Variants in ABCA1 observed in about 807,000 individuals in gnomAD.
ABCA1 encodes the protein ATP binding cassette subfamily A member 1, also known as phospholipid-transporting ATPase ABCA1.
A neutral mutation model predicts 262.5 loss-of-function variants in ABCA1; 133 were observed. The ratio of observed to expected loss-of-function variants is 0.51; its 90% CI spans 0.44 to 0.59. ABCA1 has a LOEUF of 0.59. Among genes scored for constraint, ABCA1 ranks in the 20% least tolerant of loss-of-function variants. The pLI, the probability that ABCA1 is intolerant of heterozygous loss-of-function variation, is 0.00. For synonymous variants in ABCA1, 1,022 were observed against 1,043.5 expected, an observed-to-expected ratio of 0.98 and a Z score of 0.40; for missense variants, 2,452 against 2,777.5, an observed-to-expected ratio of 0.88 and a Z score of 2.63.
In ABCA1 at chr9:104,788,414, T is replaced by G. The variant is rs775848576; in HGVS notation, c.6069+12A>C. The G allele has an allele frequency of 6.2e-7, 1 of 1,614,070 alleles. No individual in the cohort carries two copies. On this transcript the variant is annotated intron_variant, in intron 45 of 49. Coordinates refer to ENST00000374736, the MANE Select transcript of ABCA1 (RefSeq NM_005502.4). ...CAAAGGAGACAGGCTGGCTTTCAGGTGCCCACAGTACCTTGCCAACTTCTT... is the reference window on the plus strand; with the variant it reads ...CAAAGGAGACAGGCTGGCTTTCAGGGGCCCACAGTACCTTGCCAACTTCTT...
At chr9:104,900,048 T>TC (rs960865212) in intron 2 of ABCA1, among the ~76,000 whole-genome samples, 1 of 152,002 alleles carries the variant, frequency 6.6e-6, no homozygotes, top group Non-Finnish European at 1.5e-5. Flanking sequence ...TGGCTGATGG[T>TC]CCCCCCTCAG....
intron 1 of ABCA1, among the ~76,000 whole-genome samples, chr9:104,905,609 T>C (rs1300050934): frequency 2.0e-5 from 3 of 152,238 alleles, no homozygotes; most frequent in Admixed American, 1.3e-4. Flanking sequence ...CATCAGTTTG[T>C]TCAAAGATGA....
intron 44 of ABCA1, among the ~76,000 whole-genome samples, chr9:104,790,322 G>T (rs1268576427): frequency 6.6e-6 from 1 of 152,058 alleles, no homozygotes; most frequent in Non-Finnish European, 1.5e-5. Context: ...GATGTATACA[G>T]GGACATATTT....
chr9:104,825,678 T>C lies in ABCA1; in HGVS notation c.2542+5A>G, dbSNP rs755221250. Reference sequence around the variant, plus strand: ...TTTTCCAAACAGATGCCCAAAGCAGTGTACCTGGAAAGACAGCCTCAATGT... The same window carrying C: ...TTTTCCAAACAGATGCCCAAAGCAGCGTACCTGGAAAGACAGCCTCAATGT... On this transcript the variant is annotated splice_donor_5th_base_variant and intron_variant, in intron 17 of 49. Coordinates refer to ENST00000374736, the MANE Select transcript of ABCA1 (RefSeq NM_005502.4). 1.2e-6 allele frequency: 2 copies of C among 1,614,020 alleles called. No homozygotes were observed. The highest frequency in any genetic ancestry group is 1.7e-6 in the Non-Finnish European group (2 of 1,179,858).
chr9:104,789,892 G>A (rs907353588), intron 44 of ABCA1, among the ~76,000 whole-genome samples: 5 of 152,090 alleles, frequency 3.3e-5, no homozygotes, highest in South Asian at 2.1e-4. Context: ...TCAGGAGCTC[G>A]AGACCAGTCT....
chr9:104,917,264 T>C (rs1280091937), intron 1 of ABCA1, among the ~76,000 whole-genome samples: 2 of 152,188 alleles, frequency 1.3e-5, no homozygotes, highest in Non-Finnish European at 2.9e-5. Context: ...GTGCATCATC[T>C]GAAATATGGG....
chr9:104,782,172 TGAG>T lies in ABCA1; in HGVS notation c.*2140_*2142del, dbSNP rs779432273. The stretch of plus-strand genomic sequence containing the variant: ...AACTTTGATTTTGAAAAATATTAAA[TGAG>T]GAGAAATTATTCTATAAATTCTGTA... On this transcript the variant is annotated 3_prime_UTR_variant, in exon 50 of 50. Transcript: ENST00000374736. The T allele has an allele frequency of 2.1e-4, 32 of 152,098 alleles. No homozygotes were observed. Among genetic ancestry groups the T allele is most frequent in the Middle Eastern group, 3.2e-3 (1 of 316 alleles). 9.4% of individuals were successfully genotyped at this position (152,098 alleles called of 1,614,324 possible).
At chr9:104,859,063 A>T (rs921343316) in intron 6 of ABCA1, among the ~76,000 whole-genome samples, 1 of 152,224 alleles carries the variant, frequency 6.6e-6, no homozygotes, top group Non-Finnish European at 1.5e-5. Context: ...GATGAACAAC[A>T]TCCTCACTAT....
rs752621830 is a variant in ABCA1, at chr9:104,784,421, T to A, written c.6680A>T (p.Asp2227Val). 3 of 1,614,150 alleles carry A rather than the reference T, an allele frequency of 1.9e-6. No individual in the cohort carries two copies. Among genetic ancestry groups the A allele is most frequent in the Non-Finnish European group, 1.7e-6 (2 of 1,180,014 alleles). Residue 2227 changes from aspartate to valine, a missense_variant, in exon 50 of 50, where the codon GAT becomes GTT. This residue lies in a region of ABCA1 where 752 missense variants were observed against 944.5 expected (regional missense o/e 0.80). Coordinates refer to ENST00000374736, the MANE Select transcript of ABCA1 (RefSeq NM_005502.4). ...FVNFAKDQSD[D>V]DHLKDLSLHK... is the part of the protein sequence containing the mutation. ...TAATGAGAGGTCTTTTAAGTGGTCATCATCACTTTGGTCCTTGGCAAAGTT... is the reference window on the plus strand; with the variant it reads ...TAATGAGAGGTCTTTTAAGTGGTCAACATCACTTTGGTCCTTGGCAAAGTT...
intron 3 of ABCA1, among the ~76,000 whole-genome samples, chr9:104,887,722 C>CGTT (rs771566125): frequency 1.0e-5 from 1 of 98,850 alleles, no homozygotes; most frequent in Non-Finnish European, 1.9e-5. Context: ...TCAGTTTATG[C>CGTT]TTTTTTTTTT....
intron 5 of ABCA1, among the ~76,000 whole-genome samples, chr9:104,870,536 A>C (rs1028113291): frequency 2.0e-5 from 3 of 152,204 alleles, no homozygotes. Flanking sequence ...GTCCCCCCTC[A>C]AAGTTCATAC....
At chr9:104,898,439 T>C (rs1479689499) in intron 2 of ABCA1, among the ~76,000 whole-genome samples, 1 of 151,650 alleles carries the variant, frequency 6.6e-6, no homozygotes, top group Non-Finnish European at 1.5e-5. Flanking sequence ...TCCCAGCTAC[T>C]AGGAGGCTGA....
chr9:104,817,795 G>A lies in ABCA1; in HGVS notation c.3463-391C>T, dbSNP rs1409703666. Among the ~76,000 whole-genome samples the A allele has an allele frequency of 3.3e-5, 5 of 152,192 alleles. No homozygotes were observed. Among genetic ancestry groups the A allele is most frequent in the African/African-American group, 9.7e-5 (4 of 41,440 alleles). On this transcript the variant is annotated intron_variant, in intron 23 of 49. Transcript: ENST00000374736. The surrounding 1 kb of genome is among the most constrained non-coding windows in gnomAD (Gnocchi z 4.7). ...TGTTAAAATGCACAGATTCTGATTC[G>A]GTAGGTCTGAGCTGGGCCCAGGTTG...
At position 104,810,905 on chromosome 9, in the gene ABCA1, A is replaced by T. The variant is rs1831222622; in HGVS notation, c.4070T>A (p.Phe1357Tyr). The change falls in exon 29 of 50, where the codon TTT (phenylalanine) becomes TAT (tyrosine). Residue 1357 changes from phenylalanine (F) to tyrosine (Y), a missense_variant. Around this residue, in one of 4 missense-constraint regions of ABCA1, gnomAD observed 665 missense variants for 727.3 expected, o/e 0.91. Coordinates refer to ENST00000374736, the MANE Select transcript of ABCA1 (RefSeq NM_005502.4). The part of the protein sequence containing the change: ...FFAQIVLPAV[F>Y]VCIALVFSLI... ...GCTGAACACAAGGGCAATGCAGACA[A>T]ACACAGCTGGCAAGACAATCTTTAC... 6.2e-7 allele frequency: 1 copy of T among 1,614,232 alleles called. No homozygotes were observed. The highest frequency in any genetic ancestry group is 8.5e-7 in the Non-Finnish European group (1 of 1,180,038).
At chr9:104,898,421 G>A (rs979451637) in intron 2 of ABCA1, among the ~76,000 whole-genome samples, 17 of 151,910 alleles carry the variant, frequency 1.1e-4, no homozygotes, top group Non-Finnish European at 2.1e-4. Context: ...GGTGGTGGGC[G>A]TCTGTAATCC....
chr9:104,868,825 A>G (rs945321720), intron 5 of ABCA1, among the ~76,000 whole-genome samples: 1 of 152,152 alleles, frequency 6.6e-6, no homozygotes, highest in African/African-American at 2.4e-5. Context: ...ACCAGCTGGG[A>G]CCTCTGGGAC....
At chr9:104,892,356 T>A (rs112712448) in intron 2 of ABCA1, among the ~76,000 whole-genome samples, 13 of 141,384 alleles carry the variant, frequency 9.2e-5, no homozygotes, top group African/African-American at 3.2e-4. Flanking sequence ...TACATATATA[T>A]CACATTGCAT....
intron 7 of ABCA1, chr9:104,855,128 C>T (rs1835727888): frequency 5.1e-6 from 5 of 982,988 alleles, no homozygotes; most frequent in Non-Finnish European, 6.0e-6. Flanking sequence ...CAGTTTTTCA[C>T]TGAAATACTC....
Position 104,858,390 on chromosome 9 carries a change from T to C in ABCA1, c.720+132A>G, listed in dbSNP as rs936201266. ...ACACTAAGAACACTTAGAATACCAC[T>C]GAACTAAATTATATCACAAACTCCC... On this transcript the variant is annotated intron_variant, in intron 7 of 49. Coordinates refer to ENST00000374736, the MANE Select transcript of ABCA1 (RefSeq NM_005502.4). 11 of 1,000,818 alleles carry C rather than the reference T, an allele frequency of 1.1e-5. No individual in the cohort carries two copies. The East Asian group carries it at 2.4e-4, about 22-fold the overall frequency. The allele number at this position is 1,000,818 out of a possible 1,614,324, so 62.0% of individuals were successfully genotyped here. A position where few individuals can be genotyped will look rare whatever the true frequency, so the allele number is the denominator to read the frequency against.
Sources: allele counts gnomAD v4.1 joint callset (sites outside exome capture counted in the v4.1 genomes callset), GRCh38; gene constraint gnomAD v4.1.1; regional missense constraint gnomAD v4.1.1; non-coding constraint Gnocchi (gnomAD v3.1); transcripts MANE v1.5; gene names NCBI Gene and HGNC (gene_info 2026-07-23, HGNC 2026-07-21).